The following NDUFA10 variants were observed in gnomAD, a reference collection of about 807,000 sequenced individuals.
The protein encoded by NDUFA10 is NADH:ubiquinone oxidoreductase subunit A10, also known as NADH dehydrogenase [ubiquinone] 1 alpha subcomplex subunit 10, mitochondrial.
A neutral mutation model predicts 47.8 loss-of-function variants in NDUFA10; 40 were observed. The observed-to-expected ratio is 0.84, with a 90% CI of 0.65 to 1.09. The LOEUF (loss-of-function observed/expected upper bound fraction) is 1.09, where lower values mean the gene tolerates loss of function less well. Ranked by LOEUF, NDUFA10 falls within the 50% of genes least tolerant of loss-of-function variation. NDUFA10 has a pLI of 0.00. For synonymous variants in NDUFA10, 183 were observed against 172.2 expected (o/e 1.06, Z -0.49); for missense variants, 413 against 451.1 (o/e 0.92, Z 0.76).
chr2:239,990,906 GA>G lies in NDUFA10; in HGVS notation c.891-725del, dbSNP rs529029858. Among the ~76,000 whole-genome samples, 490 of 147,962 alleles carry G rather than the reference GA, an allele frequency of 3.3e-3. 1 individual carries two copies. Among genetic ancestry groups the G allele is most frequent in the African/African-American group, 8.8e-3 (356 of 40,382 alleles). On this transcript the variant is annotated intron_variant, in intron 8 of 9. Coordinates refer to ENST00000252711, the MANE Select transcript of NDUFA10 (RefSeq NM_004544.4). ...TTAAAAAGCATTTTTTCAGCTTTTGGAAAAAAAAACATTAAAATAAAGTCTC... is the reference window on the plus strand; with the variant it reads ...TTAAAAAGCATTTTTTCAGCTTTTGGAAAAAAAACATTAAAATAAAGTCTC...
intron 6 of NDUFA10, among the ~76,000 whole-genome samples, chr2:240,008,358 T>A (rs1305887325): frequency 6.6e-6 from 1 of 152,058 alleles, no homozygotes; most frequent in East Asian, 1.9e-4. Flanking sequence ...AAATCCATAG[T>A]GAGGAAAGTA....
chr2:239,911,754 C>T (rs955425346), intron 4 of NDUFA10, among the ~76,000 whole-genome samples: 1 of 151,740 alleles, frequency 6.6e-6, no homozygotes, highest in Non-Finnish European at 1.5e-5. Context: ...CCCAGCCCAT[C>T]CCCCAGTCTC....
rs946906907 is a variant in NDUFA10, at chr2:239,906,475, G to A, written c.295-11161C>T. On this transcript the variant is annotated intron_variant, in intron 4 of 5. Transcript: ENST00000419408. The surrounding 1 kb of genome is among the most constrained non-coding windows in gnomAD (Gnocchi z 4.3). Reference sequence around the variant, plus strand: ...GAGAACACCAGACGGGGGCCCCCACGCCAATTCATGGAGTCCCCGCACTTA... The same window carrying A: ...GAGAACACCAGACGGGGGCCCCCACACCAATTCATGGAGTCCCCGCACTTA... Among the ~76,000 whole-genome samples the A allele has an allele frequency of 5.3e-5, 8 of 152,150 alleles. No homozygotes were observed. Among genetic ancestry groups the A allele is most frequent in the African/African-American group, 9.7e-5 (4 of 41,434 alleles).
chr2:239,967,405 T>C (rs561231476), intron 9 of NDUFA10, among the ~76,000 whole-genome samples: 1 of 152,314 alleles, frequency 6.6e-6, no homozygotes, highest in South Asian at 2.1e-4. Flanking sequence ...ACACACTGGC[T>C]GGTGGTGCTT....
chr2:239,948,937 G>T (rs193052031), intron 4 of NDUFA10, among the ~76,000 whole-genome samples: 1 of 152,344 alleles, frequency 6.6e-6, no homozygotes, highest in East Asian at 1.9e-4. Flanking sequence ...TACTTCAAAT[G>T]CAGTGTCTCA....
chr2:239,936,495 A>C (rs922449398), intron 4 of NDUFA10, among the ~76,000 whole-genome samples: 1 of 152,208 alleles, frequency 6.6e-6, no homozygotes, highest in Non-Finnish European at 1.5e-5. Context: ...AGGGGGCCCT[A>C]AAGTAAACTG....
chr2:239,919,541 G>A lies in NDUFA10; in HGVS notation c.295-24227C>T, dbSNP rs187339496. 1.4e-4 allele frequency among the ~76,000 whole-genome samples: 21 copies of A among 151,974 alleles called. No individual in the cohort carries two copies. In the East Asian group the frequency reaches 3.5e-3, roughly 25 times the overall value. On this transcript the variant is annotated intron_variant, in intron 4 of 5. Transcript: ENST00000419408. ...GGGTAAGTTGAAGGAATAACCAAACGCAGCCTTAAGGCTCATACAGAAACA... is the reference window on the plus strand; with the variant it reads ...GGGTAAGTTGAAGGAATAACCAAACACAGCCTTAAGGCTCATACAGAAACA...
At chr2:239,923,123 A>G (rs1694015867) in intron 4 of NDUFA10, among the ~76,000 whole-genome samples, 1 of 152,242 alleles carries the variant, frequency 6.6e-6, no homozygotes, top group Non-Finnish European at 1.5e-5. Flanking sequence ...AAGAAGACAC[A>G]GCAATCCAAA....
chr2:239,937,909 T>C (rs1004928813), intron 4 of NDUFA10, among the ~76,000 whole-genome samples: 2 of 152,202 alleles, frequency 1.3e-5, no homozygotes, highest in Non-Finnish European at 2.9e-5. Flanking sequence ...ACCTCACAGC[T>C]GATCATGACT....
chr2:239,993,478 C>G (rs1222055042), intron 8 of NDUFA10, among the ~76,000 whole-genome samples: 1 of 152,128 alleles, frequency 6.6e-6, no homozygotes, highest in Admixed American at 6.5e-5. Flanking sequence ...GGAAGAAGGG[C>G]CTGGCAGATT....
chr2:239,972,664 G>GA (rs1294759531), intron 9 of NDUFA10, among the ~76,000 whole-genome samples: 4 of 151,996 alleles, frequency 2.6e-5, no homozygotes, highest in African/African-American at 7.2e-5. Flanking sequence ...TTTTTATTTT[G>GA]AAAATGTGTG....
intron 9 of NDUFA10, among the ~76,000 whole-genome samples, chr2:239,974,374 C>T (rs1695426556): frequency 6.6e-6 from 1 of 152,192 alleles, no homozygotes; most frequent in African/African-American, 2.4e-5. Context: ...GTCACAGGAT[C>T]AACAAAACCA....
chr2:240,012,263 T>C (rs945503556), intron 5 of NDUFA10: 1 of 163,658 alleles, frequency 6.1e-6, no homozygotes, highest in East Asian at 1.7e-4. Flanking sequence ...TAGCAAGTTT[T>C]AAAATTTAAA....
intron 4 of NDUFA10, among the ~76,000 whole-genome samples, chr2:239,909,233 T>C (rs1229754953): frequency 6.6e-6 from 1 of 152,142 alleles, no homozygotes. Context: ...TGCAGAAAAC[T>C]GAAACTGGAC....
At chr2:239,983,498 ACAGT>A (rs1303933390) in intron 9 of NDUFA10, 5 of 1,585,320 alleles carry the variant, frequency 3.2e-6, no homozygotes, top group East Asian at 4.6e-5. Flanking sequence ...AATCCTCTAA[ACAGT>A]CAGACAATTC....
chr2:240,021,098 C>A, intron 3 of NDUFA10, 99 bp downstream of exon 3: 2 of 975,092 alleles, frequency 2.1e-6, no homozygotes, highest in Non-Finnish European at 3.2e-6. Flanking sequence ...TCATCAAACA[C>A]CCTTAAAGGA....
At chr2:239,988,025 GA>G (rs1347785189) in intron 9 of NDUFA10, among the ~76,000 whole-genome samples, 5 of 151,970 alleles carry the variant, frequency 3.3e-5, no homozygotes, top group African/African-American at 4.8e-5. Context: ...AGAACAGGTA[GA>G]AAAAATATAA....
intron 9 of NDUFA10, 125 bp from the exon 10 acceptor site, chr2:239,961,311 A>G (rs928566922): frequency 1.3e-5 from 20 of 1,550,658 alleles, no homozygotes; most frequent in Non-Finnish European, 1.7e-5. Context: ...GCTGGTGAGC[A>G]CATGATCTGT....
In NDUFA10 at chr2:240,023,281, C is replaced by G. The variant is rs537879627; in HGVS notation, c.76-941G>C. On this transcript the variant is annotated intron_variant, in intron 1 of 9. Coordinates refer to ENST00000252711, the MANE Select transcript of NDUFA10 (RefSeq NM_004544.4). ...AATAAGAAAACAAAGAATAAAAACA[C>G]ACAGCTTATTTTAAAATTATAAAAT... Among the ~76,000 whole-genome samples the G allele has an allele frequency of 2.0e-5, 3 of 152,266 alleles. No individual in the cohort carries two copies. In the South Asian group the frequency reaches 6.2e-4, roughly 32 times the overall value.
Sources: gnomAD v4.1 joint callset for allele counts (sites outside exome capture counted in the v4.1 genomes callset) on GRCh38, gnomAD v4.1.1 for gene constraint, Gnocchi (gnomAD v3.1) non-coding constraint, MANE v1.5 for transcripts, NCBI Gene and HGNC (gene_info 2026-07-23, HGNC 2026-07-21) for gene names.